The following FGGY variants were observed in gnomAD, a reference collection of about 807,000 sequenced individuals.
The protein encoded by FGGY is FGGY carbohydrate kinase domain containing.
Under a neutral mutation model 71.3 loss-of-function variants are expected in FGGY, and 72 were observed. The ratio of observed to expected loss-of-function variants is 1.01; its 90% CI spans 0.84 to 1.23. The LOEUF is 1.23. Among genes scored for constraint, FGGY ranks in the 50% most tolerant of loss-of-function variants. The pLI, the probability that FGGY is intolerant of heterozygous loss-of-function variation, is 0.00. For missense variants in FGGY, 668 were observed against 682.3 expected (o/e 0.98, Z 0.23); for synonymous variants, 251 against 250.3 (o/e 1.00, Z -0.02).
At chr1:59,381,762 T>C (rs1411948527) in intron 5 of FGGY, among the ~76,000 whole-genome samples, 3 of 152,178 alleles carry the variant, frequency 2.0e-5, no homozygotes, top group Admixed American at 6.6e-5. Context: ...TTGCTTTTTA[T>C]GTAAATGTAC....
intron 8 of FGGY, among the ~76,000 whole-genome samples, chr1:59,560,149 G>A (rs1037207290): frequency 6.6e-6 from 1 of 152,176 alleles, no homozygotes; most frequent in African/African-American, 2.4e-5. Context: ...ATGATGTAAT[G>A]AAAATGACAC....
intron 10 of FGGY, among the ~76,000 whole-genome samples, chr1:59,632,212 C>T (rs570617325): frequency 6.6e-6 from 1 of 152,238 alleles, no homozygotes; most frequent in East Asian, 1.9e-4. Flanking sequence ...AATATGCATA[C>T]TATATACATA....
chr1:59,311,012 A>G (rs1053763691), intron 1 of FGGY, among the ~76,000 whole-genome samples: 17 of 152,154 alleles, frequency 1.1e-4, no homozygotes, highest in African/African-American at 4.1e-4. Context: ...TTTTCAGTTA[A>G]TATCTAATGT....
intron 12 of FGGY, among the ~76,000 whole-genome samples, chr1:59,664,441 C>A (rs1412962989): frequency 1.3e-5 from 2 of 152,214 alleles, no homozygotes; most frequent in Non-Finnish European, 2.9e-5. Context: ...GCCTCTCATT[C>A]GGATCATTTC....
At chr1:59,336,665 C>T (rs776962924) in intron 2 of FGGY, among the ~76,000 whole-genome samples, 7 of 152,048 alleles carry the variant, frequency 4.6e-5, no homozygotes, top group African/African-American at 1.4e-4. Context: ...CCTGACAGGC[C>T]CCAGTGTGTG....
intron 2 of FGGY, among the ~76,000 whole-genome samples, chr1:59,330,560 C>T (rs533470311): frequency 1.4e-5 from 2 of 145,844 alleles, no homozygotes; most frequent in Admixed American, 1.4e-4. Context: ...CAAAGCAAGA[C>T]TCCATCTCAA....
At chr1:59,345,649 CCT>C (rs1009486952) in intron 3 of FGGY, among the ~76,000 whole-genome samples, 9 of 151,874 alleles carry the variant, frequency 5.9e-5, no homozygotes, top group Non-Finnish European at 1.2e-4. Flanking sequence ...ACTAGCATTC[CCT>C]GTTAGATCTG....
intron 5 of FGGY, among the ~76,000 whole-genome samples, chr1:59,453,861 C>T (rs1467931525): frequency 1.3e-5 from 2 of 152,068 alleles, no homozygotes; most frequent in African/African-American, 2.4e-5. Flanking sequence ...GAAGCCCTGC[C>T]TACAATGTGG....
At chr1:59,457,625 A>G (rs2091843994) in intron 6 of FGGY, among the ~76,000 whole-genome samples, 1 of 143,024 alleles carries the variant, frequency 7.0e-6, no homozygotes, top group African/African-American at 3.0e-5. Flanking sequence ...TTGAGGGGGA[A>G]AAAAAAATGG....
intron 5 of FGGY, among the ~76,000 whole-genome samples, chr1:59,446,915 A>C (rs2071407823): frequency 1.3e-5 from 2 of 152,176 alleles, no homozygotes; most frequent in Non-Finnish European, 2.9e-5. Flanking sequence ...ATCTTGGTGG[A>C]GAAATGCATG....
chr1:59,538,472 G>T (rs2095375377), intron 7 of FGGY, among the ~76,000 whole-genome samples: 1 of 151,272 alleles, frequency 6.6e-6, no homozygotes, highest in South Asian at 2.1e-4. Context: ...AATACCATTT[G>T]ACCCAGCCAT....
At chr1:59,369,493 A>G (rs532058892) in intron 4 of FGGY, among the ~76,000 whole-genome samples, 319 of 152,330 alleles carry the variant, frequency 2.1e-3, no homozygotes, top group African/African-American at 7.4e-3. Context: ...GGGCACAGAC[A>G]AACAAAAAGA....
chr1:59,337,824 T>C (rs2049901892), intron 2 of FGGY, among the ~76,000 whole-genome samples: 1 of 152,204 alleles, frequency 6.6e-6, no homozygotes, highest in South Asian at 2.1e-4. Context: ...CACTTTAACT[T>C]CTTTTCTAAT....
intron 14 of FGGY, among the ~76,000 whole-genome samples, chr1:59,719,255 G>A (rs1182883371): frequency 2.6e-5 from 4 of 151,924 alleles, no homozygotes; most frequent in African/African-American, 9.7e-5. Context: ...GAAGTCAACA[G>A]AACTTTTTTT....
chr1:59,424,472 G>A (rs1160398206), intron 5 of FGGY, among the ~76,000 whole-genome samples: 2 of 152,128 alleles, frequency 1.3e-5, no homozygotes, highest in African/African-American at 4.8e-5. Flanking sequence ...GCTTGAACCC[G>A]AGAGGCAGAG....
intron 8 of FGGY, among the ~76,000 whole-genome samples, chr1:59,590,764 A>C (rs1027276778): frequency 1.9e-4 from 29 of 152,190 alleles, no homozygotes; most frequent in African/African-American, 6.8e-4. Flanking sequence ...ACTCTCAATA[A>C]ATTAGGTATT....
chr1:59,471,823 A>G (rs1447742150), intron 6 of FGGY, among the ~76,000 whole-genome samples: 1 of 152,250 alleles, frequency 6.6e-6, no homozygotes, highest in South Asian at 2.1e-4. Context: ...AAGGTTTTTC[A>G]GTAACTCTAC....
At chr1:59,437,857 G>A (rs1254953945) in intron 5 of FGGY, among the ~76,000 whole-genome samples, 1 of 152,222 alleles carries the variant, frequency 6.6e-6, no homozygotes, top group Non-Finnish European at 1.5e-5. Context: ...GGAAAATCAT[G>A]TAGTGAAGTA....
chr1:59,568,903 A>G (rs988274745), intron 8 of FGGY, among the ~76,000 whole-genome samples: 5 of 152,232 alleles, frequency 3.3e-5, no homozygotes, highest in Non-Finnish European at 7.3e-5. Context: ...AACAGATAAC[A>G]ATTTGTATCA....
Sources: gnomAD v4.1 joint callset for allele counts (sites outside exome capture counted in the v4.1 genomes callset) on GRCh38, gnomAD v4.1.1 for gene constraint, MANE v1.5 for transcripts, NCBI Gene and HGNC (gene_info 2026-07-23, HGNC 2026-07-21) for gene names.